SPAG16: variants seen among roughly 807,000 people sequenced by gnomAD.
SPAG16 encodes the protein sperm-associated antigen 16 protein.
A neutral mutation model predicts 80.4 loss-of-function variants in SPAG16; 86 were observed. That is an observed-to-expected ratio of 1.07 (90% CI 0.90 to 1.28). The LOEUF (loss-of-function observed/expected upper bound fraction) is 1.28, where lower values mean the gene tolerates loss of function less well. SPAG16 is among the 50% of genes most tolerant of loss of function. SPAG16 has a pLI of 0.00. For synonymous variants in SPAG16, 294 were observed against 265.9 expected, an observed-to-expected ratio of 1.11 and a Z score of -1.03; for missense variants, 870 against 765.3, an observed-to-expected ratio of 1.14 and a Z score of -1.61.
chr2:214,183,309 G>A (rs1283986787), intron 15 of SPAG16, among the ~76,000 whole-genome samples: 1 of 151,880 alleles, frequency 6.6e-6, no homozygotes, highest in Non-Finnish European at 1.5e-5. Flanking sequence ...CTTTCACTCA[G>A]GGACAAAGAG....
intron 15 of SPAG16, among the ~76,000 whole-genome samples, chr2:214,368,468 C>T (rs1339971123): frequency 6.6e-6 from 1 of 152,080 alleles, no homozygotes; most frequent in Non-Finnish European, 1.5e-5. Context: ...CTTTTCTCAG[C>T]ATAAGGAGAA....
chr2:213,368,264 T>G (rs562358365), intron 8 of SPAG16, among the ~76,000 whole-genome samples: 1 of 152,146 alleles, frequency 6.6e-6, no homozygotes, highest in Non-Finnish European at 1.5e-5. Flanking sequence ...TTGTCTTGGC[T>G]ATGTAGGCTC....
intron 10 of SPAG16, among the ~76,000 whole-genome samples, chr2:213,816,842 T>C (rs750801310): frequency 1.3e-5 from 2 of 152,088 alleles, no homozygotes; most frequent in Admixed American, 6.6e-5. Context: ...TTACAGTGAA[T>C]GTAGTTGTCA....
chr2:214,175,742 T>C (rs1483427754), intron 15 of SPAG16, among the ~76,000 whole-genome samples: 1 of 151,600 alleles, frequency 6.6e-6, no homozygotes, highest in Non-Finnish European at 1.5e-5. Flanking sequence ...AAACAGTTCC[T>C]GGTCAGAACA....
chr2:214,214,523 TC>T (rs1386298639), intron 15 of SPAG16, among the ~76,000 whole-genome samples: 3 of 152,096 alleles, frequency 2.0e-5, no homozygotes, highest in Non-Finnish European at 4.4e-5. Context: ...CATTCTCTAT[TC>T]CAGGCCTGTA....
intron 12 of SPAG16, among the ~76,000 whole-genome samples, chr2:213,976,133 T>TACACACACACACACACAC (rs748686035): frequency 8.3e-6 from 1 of 120,712 alleles, no homozygotes; most frequent in African/African-American, 3.6e-5. Context: ...TATATATATA[T>TACACACACACACACACAC]ATACACACAC....
chr2:214,249,930 G>A (rs574341196), intron 15 of SPAG16: 3 of 152,190 alleles, frequency 2.0e-5, no homozygotes, highest in South Asian at 2.1e-4. Context: ...TTTCACTCAC[G>A]TACTGTCTGA....
At chr2:213,926,846 G>T (rs1369340944) in intron 11 of SPAG16, among the ~76,000 whole-genome samples, 2 of 152,032 alleles carry the variant, frequency 1.3e-5, no homozygotes, top group Non-Finnish European at 2.9e-5. Context: ...GCTCATACTT[G>T]GTTGAATTTT....
intron 10 of SPAG16, among the ~76,000 whole-genome samples, chr2:213,613,476 G>A (rs1457918082): frequency 6.6e-6 from 1 of 152,072 alleles, no homozygotes; most frequent in Non-Finnish European, 1.5e-5. Flanking sequence ...TCCATTCTCA[G>A]GGCCTTTGCA....
chr2:213,482,265 AGGCTTGCCCCCATGTTGCTTTTG>A (rs1367544265), intron 9 of SPAG16, among the ~76,000 whole-genome samples: 1 of 152,250 alleles, frequency 6.6e-6, no homozygotes, highest in African/African-American at 2.4e-5. Context: ...CTGGCACTTC[AGGCTTGCCCCCATGTTGCTTTTG>A]CTCACATTTC....
At chr2:214,315,676 C>G (rs569676977) in intron 15 of SPAG16, among the ~76,000 whole-genome samples, 1 of 152,046 alleles carries the variant, frequency 6.6e-6, no homozygotes, top group East Asian at 1.9e-4. Flanking sequence ...GGACTACAGG[C>G]GTGCGCCATC....
At chr2:213,915,997 T>G (rs1200428688) in intron 11 of SPAG16, among the ~76,000 whole-genome samples, 1 of 152,240 alleles carries the variant, frequency 6.6e-6, no homozygotes, top group Non-Finnish European at 1.5e-5. Flanking sequence ...AAGTTCCTTG[T>G]AGATTCTGGA....
chr2:213,447,547 T>C (rs1260086961), intron 9 of SPAG16, among the ~76,000 whole-genome samples: 1 of 152,226 alleles, frequency 6.6e-6, no homozygotes, highest in East Asian at 1.9e-4. Context: ...AATCCAGGTA[T>C]GCCCCCTACC....
At chr2:214,093,502 A>C (rs1284362692) in intron 13 of SPAG16, among the ~76,000 whole-genome samples, 2 of 150,222 alleles carry the variant, frequency 1.3e-5, no homozygotes, top group African/African-American at 4.9e-5. Context: ...ATATGTGTAT[A>C]TATGTGTGTG....
intron 10 of SPAG16, among the ~76,000 whole-genome samples, chr2:213,788,418 G>T (rs1209765955): frequency 2.0e-5 from 3 of 151,810 alleles, no homozygotes; most frequent in African/African-American, 7.2e-5. Context: ...ATTGGTAATG[G>T]TAACCCTGTG....
At chr2:214,400,229 A>G (rs1314497638) in intron 15 of SPAG16, among the ~76,000 whole-genome samples, 2 of 151,988 alleles carry the variant, frequency 1.3e-5, no homozygotes, top group African/African-American at 2.4e-5. Context: ...TGATATATTC[A>G]CATGCTATAG....
intron 15 of SPAG16, among the ~76,000 whole-genome samples, chr2:214,288,520 G>A (rs1693547426): frequency 6.6e-6 from 1 of 151,768 alleles, no homozygotes. Context: ...TTCTATAGTG[G>A]TTATACTAAC....
At chr2:213,315,706 T>A (rs78880133) in intron 4 of SPAG16, among the ~76,000 whole-genome samples, 19 of 137,406 alleles carry the variant, frequency 1.4e-4, no homozygotes, top group African/African-American at 4.5e-4. Context: ...TTTTTTTTTT[T>A]AATAGTGACT....
rs187333456 is a variant in SPAG16 at position 213,853,598 on chromosome 2, A to G, written c.1071-8887A>G. ...CATTGTCTTTTCTTGAATCTGTAAGATGTGTTCCTGTACGATTTTCACCCT... is the reference window on the plus strand; with the variant it reads ...CATTGTCTTTTCTTGAATCTGTAAGGTGTGTTCCTGTACGATTTTCACCCT... On this transcript the variant is annotated intron_variant, in intron 10 of 15. Coordinates refer to ENST00000331683, the MANE Select transcript of SPAG16 (RefSeq NM_024532.5). Among the ~76,000 whole-genome samples, 607 of 152,282 alleles carry G rather than the reference A, an allele frequency of 4.0e-3. 4 individuals carry two copies. Among genetic ancestry groups the G allele is most frequent in the Non-Finnish European group, 5.0e-3 (338 of 68,020 alleles).
Sources: gnomAD v4.1 joint callset for allele counts (sites outside exome capture counted in the v4.1 genomes callset) on GRCh38, gnomAD v4.1.1 for gene constraint, MANE v1.5 for transcripts, NCBI Gene and HGNC (gene_info 2026-07-23, HGNC 2026-07-21) for gene names.